Variants in SAE1 observed in about 807,000 individuals in gnomAD.
SAE1 encodes the protein SUMO1 activating enzyme subunit 1.
Under a neutral mutation model 40.6 loss-of-function variants are expected in SAE1, and 11 were observed. The observed-to-expected ratio is 0.27, with a 90% CI of 0.17 to 0.45. SAE1 has a LOEUF of 0.45. SAE1 is among the 20% of genes least tolerant of loss of function. The probability of loss-of-function intolerance (pLI) is 1.00; values close to 1 mark genes in which losing one functional copy is unlikely to be tolerated. For synonymous variants in SAE1, 155 were observed against 154.3 expected (o/e 1.00, Z -0.03); for missense variants, 373 against 427.3 (o/e 0.87, Z 1.12).
intron 5 of SAE1, among the ~76,000 whole-genome samples, chr19:47,165,180 C>T (rs2058385106): frequency 6.7e-6 from 1 of 148,866 alleles, no homozygotes; most frequent in African/African-American, 2.5e-5. Context: ...ACCTCAGCCT[C>T]CTGGGTTCAA....
At chr19:47,190,360 G>A (rs975518492) in intron 6 of SAE1, among the ~76,000 whole-genome samples, 13 of 152,134 alleles carry the variant, frequency 8.5e-5, no homozygotes, top group African/African-American at 3.1e-4. Flanking sequence ...TGCGTGTTTG[G>A]CTCTTGGGGC....
chr19:47,196,738 C>T (rs1374572853), intron 6 of SAE1, among the ~76,000 whole-genome samples: 1 of 152,006 alleles, frequency 6.6e-6, no homozygotes, highest in Non-Finnish European at 1.5e-5. Context: ...CTCATATATA[C>T]TTCATTGAAT....
rs1228748802 is a variant in SAE1, at chr19:47,150,348, A to G, written c.357A>G (p.Pro119=). The G allele has an allele frequency of 8.7e-6, 14 of 1,601,888 alleles. No homozygotes were observed. The highest frequency in any genetic ancestry group is 4.5e-5 in the South Asian group (4 of 88,146). The stretch of plus-strand genomic sequence containing the variant: ...ACACTGAGGATATAGAGAAGAAACC[A>G]GAGTCATTTTTCACTCAATTCGATG... The part of the protein sequence containing the change: ...KVDTEDIEKK[P]ESFFTQFDAV... Residue 119 remains proline, a synonymous_variant, in exon 3 of 9, where the codon CCA becomes CCG. Transcript: ENST00000270225.
intron 7 of SAE1, among the ~76,000 whole-genome samples, chr19:47,198,365 G>A (rs2058630018): frequency 6.6e-6 from 1 of 152,030 alleles, no homozygotes; most frequent in African/African-American, 2.4e-5. Context: ...GCCTACCTTG[G>A]CCTCCCAAAG....
rs149518327 is a variant in SAE1 at position 47,156,432 on chromosome 19, C to T, written c.627+1219C>T. ...AGGCGGATGTTGCAGTGAGCCGAGA[C>T]GGCAACACTGCACTCCAGCCTGGCG... is the stretch of plus-strand genomic sequence containing the variant. On this transcript the variant is annotated intron_variant, in intron 5 of 8. Coordinates refer to ENST00000270225, the MANE Select transcript of SAE1 (RefSeq NM_005500.3). Among the ~76,000 whole-genome samples the T allele has an allele frequency of 5.3e-3, 806 of 151,636 alleles. 7 individuals are homozygous for T. The highest frequency in any genetic ancestry group is 0.02 in the South Asian group (94 of 4,790).
rs397859917 is a variant in SAE1 at position 47,147,199 on chromosome 19, GTTTTTTTTTTTTTT to G, written c.211-2988_211-2975del. Among the ~76,000 whole-genome samples, 10 of 60,974 alleles carry G rather than the reference GTTTTTTTTTTTTTT, an allele frequency of 1.6e-4. No homozygotes were observed. In the South Asian group the frequency reaches 3.6e-3, roughly 22 times the overall value. 40.0% of individuals were successfully genotyped at this position (60,974 alleles called of 152,430 possible). On this transcript the variant is annotated intron_variant, in intron 2 of 8. Coordinates refer to ENST00000270225, the MANE Select transcript of SAE1 (RefSeq NM_005500.3). ...TGAAATGATAATTGTATGTGTATGG[GTTTTTTTTTTTTTT>G]TTTTTTTTTTTTTTGAGGCAGTCTC... is the stretch of plus-strand genomic sequence containing the variant.
intron 5 of SAE1, among the ~76,000 whole-genome samples, chr19:47,161,656 C>T (rs1428776476): frequency 6.6e-6 from 1 of 152,162 alleles, no homozygotes; most frequent in African/African-American, 2.4e-5. Flanking sequence ...ATTTCGCTCA[C>T]CATCATAGAC....
intron 4 of SAE1, 111 bp downstream of exon 4, chr19:47,153,151 C>T (rs1271333471): frequency 2.0e-6 from 2 of 1,001,526 alleles, no homozygotes; most frequent in Admixed American, 2.8e-5. Flanking sequence ...CTATGTTGTT[C>T]AAGCTGGTCT....
chr19:47,197,299 AGTT>A lies in SAE1; in HGVS notation c.805_807del (p.Leu270del), dbSNP rs1187905126. The A allele has an allele frequency of 6.2e-7, 1 of 1,613,936 alleles. No homozygotes were observed. Among genetic ancestry groups the A allele is most frequent in the East Asian group, 2.2e-5 (1 of 44,886 alleles). On this transcript the variant is annotated inframe_deletion, in exon 7 of 9. Transcript: ENST00000270225. ...TCTGATACATATGAGGAAGATTCTG[AGTT>A]GTTGCTCCAGATACGAAATGATGTG...
chr19:47,192,282 GCT>G (rs1184656011), intron 6 of SAE1, among the ~76,000 whole-genome samples: 1 of 151,556 alleles, frequency 6.6e-6, no homozygotes, highest in Admixed American at 6.6e-5. Context: ...ACAGAGTCTC[GCT>G]CTGTCACCCA....
chr19:47,199,360 G>GACA (rs1433792210), intron 7 of SAE1, among the ~76,000 whole-genome samples: 2 of 148,318 alleles, frequency 1.3e-5, no homozygotes, highest in African/African-American at 5.0e-5. Flanking sequence ...ACTCCAGCCT[G>GACA]GGCGACAGAG....
chr19:47,203,229 CT>C, intron 7 of SAE1, among the ~76,000 whole-genome samples: 1 of 152,244 alleles, frequency 6.6e-6, no homozygotes, highest in East Asian at 1.9e-4. Context: ...AATTTCACGC[CT>C]CAAATTTCCC....
chr19:47,155,053 T>C, intron 4 of SAE1, 61 bp from the exon 5 acceptor site: 1 of 1,087,204 alleles, frequency 9.2e-7, no homozygotes, highest in Non-Finnish European at 1.4e-6. Context: ...GAGGCTTTTT[T>C]TGATTCCAAT....
At chr19:47,145,906 G>A (rs963385790) in intron 2 of SAE1, among the ~76,000 whole-genome samples, 5 of 150,152 alleles carry the variant, frequency 3.3e-5, no homozygotes, top group Non-Finnish European at 7.4e-5. Context: ...GTGATAGAAA[G>A]ATGCTCACGG....
At chr19:47,195,079 A>G (rs1349143190) in intron 6 of SAE1, among the ~76,000 whole-genome samples, 3 of 143,090 alleles carry the variant, frequency 2.1e-5, no homozygotes, top group Non-Finnish European at 4.5e-5. Context: ...TTCTGAGATG[A>G]AGTCTCACTC....
At chr19:47,152,144 C>G (rs1284161973) in intron 3 of SAE1, among the ~76,000 whole-genome samples, 3 of 152,196 alleles carry the variant, frequency 2.0e-5, no homozygotes, top group Non-Finnish European at 2.9e-5. Context: ...AAAGCATGTG[C>G]AATTTGGAAG....
intron 5 of SAE1, among the ~76,000 whole-genome samples, chr19:47,169,394 C>A (rs921777187): frequency 1.3e-5 from 2 of 152,044 alleles, no homozygotes; most frequent in African/African-American, 4.8e-5. Context: ...TACAGGCGGC[C>A]GCCAGCATGC....
Position 47,130,877 on chromosome 19 carries a change from C to T in SAE1, c.-54C>T, listed in dbSNP as rs1310652283. On this transcript the variant is annotated 5_prime_UTR_variant, in exon 1 of 9. Transcript: ENST00000270225. ...GGCGGCGGTAGGTGGCGCGCGGGTCCGGCGGGCGGTTGGCTTGAGCGGGAC... is the reference window on the plus strand; with the variant it reads ...GGCGGCGGTAGGTGGCGCGCGGGTCTGGCGGGCGGTTGGCTTGAGCGGGAC... 13 of 1,544,720 alleles carry T rather than the reference C, an allele frequency of 8.4e-6. No individual in the cohort carries two copies. In the South Asian group the frequency reaches 1.4e-4, roughly 17 times the overall value.
chr19:47,136,690 C>T (rs2058182512), intron 1 of SAE1, among the ~76,000 whole-genome samples: 1 of 152,032 alleles, frequency 6.6e-6, no homozygotes, highest in Non-Finnish European at 1.5e-5. Context: ...GACGGGATTC[C>T]TCCATGTTGG....
Sources: allele counts gnomAD v4.1 joint callset (sites outside exome capture counted in the v4.1 genomes callset), GRCh38; gene constraint gnomAD v4.1.1; transcripts MANE v1.5; gene names NCBI Gene and HGNC (gene_info 2026-07-23, HGNC 2026-07-21).